Variants in GON4L observed in about 807,000 individuals in gnomAD.
GON4L encodes the protein GON-4-like protein.
In GON4L, 87 loss-of-function variants were observed where a neutral mutation model predicts 211.8. The ratio of observed to expected loss-of-function variants is 0.41; its 90% CI spans 0.35 to 0.49. The LOEUF is 0.49. GON4L is among the 20% of genes least tolerant of loss of function. The pLI is 0.15. For synonymous variants in GON4L, 875 were observed against 962.6 expected, an observed-to-expected ratio of 0.91 and a Z score of 1.68; for missense variants, 2,155 against 2,659.5, an observed-to-expected ratio of 0.81 and a Z score of 4.17.
intron 4 of GON4L, among the ~76,000 whole-genome samples, chr1:155,821,943 G>T (rs1212135112): frequency 1.3e-5 from 2 of 152,138 alleles, no homozygotes; most frequent in Non-Finnish European, 2.9e-5. Flanking sequence ...CTATTAACCA[G>T]GCATCTTTTT....
chr1:155,822,647 T>C (rs780645942), intron 3 of GON4L, among the ~76,000 whole-genome samples, 171 bp from the exon 4 acceptor site: 2 of 152,140 alleles, frequency 1.3e-5, no homozygotes, highest in African/African-American at 2.4e-5. Flanking sequence ...AACATTTGCA[T>C]AGAAGATGCA....
chr1:155,817,923 GAAAAAAA>G (rs749238086), intron 6 of GON4L, among the ~76,000 whole-genome samples: 11 of 74,232 alleles, frequency 1.5e-4, no homozygotes, highest in Non-Finnish European at 1.9e-4. Context: ...GCAAGTCACT[GAAAAAAA>G]AAAAAAAAAA....
At position 155,766,622 on chromosome 1, in the gene GON4L, T is replaced by C. The variant is rs1662522624; in HGVS notation, c.2851A>G (p.Asn951Asp). ...TCTTTTTCTAGGCTTCGATCTGAGT[T>C]GATCTCAGTGGTTCCAGTCATATTT... is the stretch of plus-strand genomic sequence containing the variant. ...VGNMTGTTEI[N>D]SDRSLEKDNL... is the part of the protein sequence containing the mutation. Residue 951 changes from asparagine to aspartate, a missense_variant, in exon 21 of 32, where the codon AAC (asparagine) becomes GAC (aspartate). Physicochemically the swap from Asn to Asp is conservative, Grantham distance 23. This residue lies in a region of GON4L where 551 missense variants were observed against 854.0 expected (regional missense o/e 0.65). Transcript: ENST00000368331. 1 of 1,614,144 alleles carries C rather than the reference T, an allele frequency of 6.2e-7. No individual in the cohort carries two copies. The highest frequency in any genetic ancestry group is 8.5e-7 in the Non-Finnish European group (1 of 1,180,018).
At chr1:155,850,583 C>A (rs1373879908) in intron 2 of GON4L, among the ~76,000 whole-genome samples, 1 of 152,204 alleles carries the variant, frequency 6.6e-6, no homozygotes, top group African/African-American at 2.4e-5. Context: ...TAAACTCCCT[C>A]ATCTTGGGCA....
chr1:155,820,664 G>GA lies in GON4L; in HGVS notation c.964-9dup, dbSNP rs776077265. 10 of 1,591,766 alleles carry GA rather than the reference G, an allele frequency of 6.3e-6. No individual in the cohort carries two copies. The highest frequency in any genetic ancestry group is 1.1e-5 in the South Asian group (1 of 90,642). ...GCGTGTCATTTTAGGCTCCTAAGGAGAAAAAAACAGAAAGGAAATCCTCAA... is the reference window on the plus strand; with the variant it reads ...GCGTGTCATTTTAGGCTCCTAAGGAGAAAAAAAACAGAAAGGAAATCCTCAA... On this transcript the variant is annotated splice_polypyrimidine_tract_variant and intron_variant, in intron 5 of 31. Coordinates refer to ENST00000368331, the MANE Select transcript of GON4L (RefSeq NM_001282860.2).
At chr1:155,826,042 T>C (rs1669179177) in intron 3 of GON4L, among the ~76,000 whole-genome samples, 2 of 151,180 alleles carry the variant, frequency 1.3e-5, no homozygotes, top group South Asian at 4.2e-4. Flanking sequence ...CAAGACTGTG[T>C]CTCAAAAAAA....
At chr1:155,820,189 C>T (rs868083169) in intron 6 of GON4L, among the ~76,000 whole-genome samples, 1 of 152,168 alleles carries the variant, frequency 6.6e-6, no homozygotes, top group Non-Finnish European at 1.5e-5. Context: ...GCTGGGATTA[C>T]AGGCATGAGC....
At chr1:155,842,978 T>G (rs1307346655) in intron 2 of GON4L, among the ~76,000 whole-genome samples, 2 of 152,214 alleles carry the variant, frequency 1.3e-5, no homozygotes, top group Non-Finnish European at 2.9e-5. Context: ...TAGGTACACC[T>G]GTCCCGGATT....
chr1:155,843,508 AG>A (rs1402768656), intron 2 of GON4L, among the ~76,000 whole-genome samples: 3 of 152,106 alleles, frequency 2.0e-5, no homozygotes, highest in Non-Finnish European at 2.9e-5. Flanking sequence ...ACCTGGACCT[AG>A]GATGTTGGGT....
Position 155,765,322 on chromosome 1 carries a change from C to A in GON4L, c.4151G>T (p.Ser1384Ile), listed in dbSNP as rs746147001. The change falls in exon 21 of 32, where the codon AGT becomes ATT. Residue 1384 changes from serine (S) to isoleucine (I), a missense_variant. Transcript: ENST00000368331. ...QTVLQKEEERSQPTKTPSSSQ... is the reference protein window; with the variant it reads ...QTVLQKEEERIQPTKTPSSSQ... ...AGATGAAGGGGTTTTAGTTGGCTGA[C>A]TCCTCTCCTCTTCCTTCTGTAAGAC... 6.2e-7 allele frequency: 1 copy of A among 1,614,156 alleles called. No individual in the cohort carries two copies. The highest frequency in any genetic ancestry group is 1.7e-5 in the Admixed American group (1 of 60,012).
intron 12 of GON4L, among the ~76,000 whole-genome samples, chr1:155,790,202 C>T (rs4253908): frequency 0.87 from 132,226 of 151,990 alleles, 58,810 homozygotes; most frequent in East Asian, 1. Context: ...CAGGTTCAAG[C>T]GATTCTCCTG....
intron 10 of GON4L, among the ~76,000 whole-genome samples, chr1:155,805,692 CTTT>C (rs565142517): frequency 2.1e-5 from 3 of 142,908 alleles, no homozygotes; most frequent in African/African-American, 2.5e-5. Context: ...TCTATCAATA[CTTT>C]TTTTTTTTTT....
rs1002755510 is a variant in GON4L at position 155,773,067 on chromosome 1, T to C, written c.2494A>G (p.Asn832Asp). 1.2e-6 allele frequency: 2 copies of C among 1,611,880 alleles called. No homozygotes were observed. Among genetic ancestry groups the C allele is most frequent in the Non-Finnish European group, 1.7e-6 (2 of 1,179,804 alleles). ...DKIVFTKAEDNLLALGLKHFE... is the reference protein window; with the variant it reads ...DKIVFTKAEDDLLALGLKHFE... ...TGATCCCCCAGAGTAAACACTTACT[T>C]GTCCTCAGCCTTGGTGAAGACGATC... is the stretch of plus-strand genomic sequence containing the variant. The change falls in exon 18 of 32, where the codon AAT becomes GAT. Residue 832 changes from asparagine (N) to aspartate (D), a missense_variant and splice_region_variant. Transcript: ENST00000368331.
At chr1:155,805,367 T>A (rs898855598) in intron 10 of GON4L, among the ~76,000 whole-genome samples, 1 of 152,206 alleles carries the variant, frequency 6.6e-6, no homozygotes, top group Non-Finnish European at 1.5e-5. Context: ...TTTATTGATA[T>A]ACAATTCACA....
rs754525314 is a variant in GON4L, at chr1:155,853,262, C to CTTGT, written c.505+10_505+13dup. 4 of 1,609,572 alleles carry CTTGT rather than the reference C, an allele frequency of 2.5e-6. No homozygotes were observed. The South Asian group carries it at 4.4e-5, about 18-fold the overall frequency. On this transcript the variant is annotated intron_variant, in intron 2 of 31. Coordinates refer to ENST00000368331, the MANE Select transcript of GON4L (RefSeq NM_001282860.2). ...ATTGACAAGAATGTAACCTAGAGAC[C>CTTGT]TTGTATACCTTACCTCCTTCTTCCT...
At chr1:155,818,996 T>A (rs1307413726) in intron 6 of GON4L, among the ~76,000 whole-genome samples, 2 of 149,108 alleles carry the variant, frequency 1.3e-5, no homozygotes, top group Admixed American at 6.7e-5. Context: ...AGACTCCATC[T>A]CAAAACAAAA....
intron 4 of GON4L, among the ~76,000 whole-genome samples, 183 bp downstream of exon 4, chr1:155,822,103 A>G (rs534366558): frequency 7.9e-5 from 12 of 152,366 alleles, no homozygotes; most frequent in African/African-American, 2.9e-4. Context: ...TTCATATTTC[A>G]AACTTGTACT....
intron 7 of GON4L, 155 bp downstream of exon 7, chr1:155,816,057 C>T (rs1668210775): frequency 2.9e-6 from 2 of 698,760 alleles, no homozygotes; most frequent in South Asian, 1.6e-5. Context: ...AAAGTGAATT[C>T]CATGAGATAC....
At chr1:155,769,038 G>A (rs116640891) in intron 19 of GON4L, among the ~76,000 whole-genome samples, 2,205 of 152,190 alleles carry the variant, frequency 0.014, 59 homozygotes, top group African/African-American at 0.051. Context: ...GTGCAGGGGA[G>A]TGATCCACGC....
Sources: gnomAD v4.1 joint callset for allele counts (sites outside exome capture counted in the v4.1 genomes callset) on GRCh38, gnomAD v4.1.1 for gene constraint, gnomAD v4.1.1 regional missense constraint, MANE v1.5 for transcripts, NCBI Gene and HGNC (gene_info 2026-07-23, HGNC 2026-07-21) for gene names.